The following KLF13 variants were observed in gnomAD, a reference collection of about 807,000 sequenced individuals.
The protein encoded by KLF13 is Krueppel-like factor 13.
KLF13 carries 8 observed loss-of-function variants against 16.7 expected under a neutral mutation model. The observed-to-expected ratio is 0.48, with a 90% CI of 0.28 to 0.87. KLF13 has a LOEUF of 0.87. Ranked by LOEUF, KLF13 falls within the 40% of genes least tolerant of loss-of-function variation. The pLI is 0.10. For missense variants in KLF13, 447 were observed against 452.2 expected (o/e 0.99, Z 0.10); for synonymous variants, 245 against 208.4 (o/e 1.18, Z -1.51).
chr15:31,430,594 C>T (rs1482667585), intron 1 of KLF13, among the ~76,000 whole-genome samples: 2 of 152,160 alleles, frequency 1.3e-5, no homozygotes, highest in East Asian at 3.8e-4. Context: ...TCACTCTGCC[C>T]TCGTGGCCTA....
intron 1 of KLF13, among the ~76,000 whole-genome samples, chr15:31,432,128 G>A (rs1231593483): frequency 3.6e-5 from 5 of 138,438 alleles, no homozygotes. Flanking sequence ...GAGAAAGGAG[G>A]AGAGAAATCA....
chr15:31,355,814 GTTGTCCCCACACCCCCAGCCCCCCAT>G (rs1291771190), intron 1 of KLF13, among the ~76,000 whole-genome samples: 1 of 151,776 alleles, frequency 6.6e-6, no homozygotes, highest in Non-Finnish European at 1.5e-5. Context: ...TCCCAGTGCT[GTTGTCCCCACACCCCCAGCCCCCCAT>G]TTGTCCCCAC....
chr15:31,366,598 G>C (rs572747176), intron 1 of KLF13: 1 of 152,402 alleles, frequency 6.6e-6, no homozygotes, highest in African/African-American at 2.4e-5. Context: ...CCCCATGCCC[G>C]GGTGGAGGCA....
intron 1 of KLF13, among the ~76,000 whole-genome samples, chr15:31,428,867 C>T (rs2040434420): frequency 7.0e-6 from 1 of 143,226 alleles, no homozygotes; most frequent in South Asian, 2.2e-4. Flanking sequence ...ATAACCAGGA[C>T]ATTCTTGAAG....
chr15:31,327,533 C>T lies in KLF13; in HGVS notation c.321C>T (p.Ser107=). Residue 107 remains serine, a synonymous_variant, in exon 1 of 2, where the codon TCC becomes TCT. Coordinates refer to ENST00000307145, the MANE Select transcript of KLF13 (RefSeq NM_015995.4). ...RLPPPAPEPT[S]PGAEGAAAAP... ...CGCCGCCCGCCCCCGAGCCCACCTCCCCCGGCGCCGAAGGCGCGGCGGCCG... is the reference window on the plus strand; with the variant it reads ...CGCCGCCCGCCCCCGAGCCCACCTCTCCCGGCGCCGAAGGCGCGGCGGCCG... The T allele has an allele frequency of 9.0e-7, 1 of 1,114,598 alleles. No individual in the cohort carries two copies. Among genetic ancestry groups the T allele is most frequent in the Non-Finnish European group, 1.1e-6 (1 of 913,564 alleles). The allele number at this position is 1,114,598 out of a possible 1,614,324, so 69.0% of individuals were successfully genotyped here.
At chr15:31,432,735 C>A (rs1595519749) in intron 1 of KLF13, among the ~76,000 whole-genome samples, 1 of 152,132 alleles carries the variant, frequency 6.6e-6, no homozygotes, top group East Asian at 1.9e-4. Flanking sequence ...CAGGCATGAG[C>A]CACTGCACCT....
intron 1 of KLF13, among the ~76,000 whole-genome samples, chr15:31,328,686 C>T (rs533144400): frequency 6.6e-6 from 1 of 152,336 alleles, no homozygotes; most frequent in African/African-American, 2.4e-5. Flanking sequence ...CCAGCGGCAA[C>T]AGTTCCCACG....
intron 1 of KLF13, among the ~76,000 whole-genome samples, chr15:31,356,422 G>A (rs1376322773): frequency 1.3e-5 from 2 of 152,200 alleles, no homozygotes; most frequent in African/African-American, 4.8e-5. Flanking sequence ...CGTGGTGGCG[G>A]GCGCCTGTAA....
intron 1 of KLF13, among the ~76,000 whole-genome samples, chr15:31,335,860 G>A (rs183115323): frequency 2.6e-5 from 4 of 152,180 alleles, no homozygotes; most frequent in South Asian, 2.1e-4. Context: ...TGGAGCCCAC[G>A]CTGCATCATG....
intron 1 of KLF13, among the ~76,000 whole-genome samples, chr15:31,338,622 C>T (rs915845391): frequency 6.6e-6 from 1 of 152,090 alleles, no homozygotes; most frequent in Non-Finnish European, 1.5e-5. Context: ...GAGGGTGGGA[C>T]CCTGGAGCCA....
rs143164841 is a variant in KLF13, at chr15:31,400,596, G to C, written n.530-2832G>C. Among the ~76,000 whole-genome samples the C allele has an allele frequency of 2.0e-3, 307 of 152,276 alleles. 1 individual carries two copies. The highest frequency in any genetic ancestry group is 7.1e-3 in the African/African-American group (296 of 41,554). The stretch of plus-strand genomic sequence containing the variant: ...AGCAGAACAGGGAGGTCAGAGCTGG[G>C]GGTGAGGTGCCCTGCAGGGAAATGG... On this transcript the variant is annotated intron_variant and non_coding_transcript_variant, in intron 2 of 2. Coordinates refer to the KLF13 transcript ENST00000500533.
chr15:31,420,446 A>G (rs900610563), intron 1 of KLF13: 1 of 888,416 alleles, frequency 1.1e-6, no homozygotes, highest in South Asian at 1.3e-5. Context: ...CCACCCCAAC[A>G]TAGACACCCA....
In KLF13 at chr15:31,327,395, C is replaced by T. The variant is rs1352385748; in HGVS notation, c.183C>T (p.Leu61=). 27 of 1,273,318 alleles carry T rather than the reference C, an allele frequency of 2.1e-5. No homozygotes were observed. Among genetic ancestry groups the T allele is most frequent in the Non-Finnish European group, 2.5e-5 (25 of 1,007,766 alleles). 78.9% of individuals were successfully genotyped at this position (1,273,318 alleles called of 1,614,324 possible). A position where few individuals can be genotyped will look rare whatever the true frequency, so the allele number is the denominator to read the frequency against. Residue 61 remains leucine, a synonymous_variant, in exon 1 of 2, where the codon CTC becomes CTT. Coordinates refer to ENST00000307145, the MANE Select transcript of KLF13 (RefSeq NM_015995.4). ...GCGACGGTAAGGACAGCGCCTCGCT[C>T]TTCGTGGTGGCGCGGATCCTAGCGG... ...ERRDGKDSAS[L]FVVARILADL...
chr15:31,346,412 A>AC (rs981193764), intron 1 of KLF13, among the ~76,000 whole-genome samples: 4 of 149,746 alleles, frequency 2.7e-5, no homozygotes, highest in East Asian at 2.0e-4. Flanking sequence ...AGTATGATGG[A>AC]CCCCCCACCG....
intron 1 of KLF13, among the ~76,000 whole-genome samples, chr15:31,347,070 C>G (rs1421620824): frequency 1.3e-5 from 2 of 152,180 alleles, no homozygotes; most frequent in Non-Finnish European, 2.9e-5. Context: ...GACACCGAGC[C>G]CAGCAGGTAG....
intron 1 of KLF13, among the ~76,000 whole-genome samples, chr15:31,386,044 T>A (rs1265541773): frequency 6.6e-6 from 1 of 152,350 alleles, no homozygotes; most frequent in East Asian, 1.9e-4. Flanking sequence ...TTCAGTGGCT[T>A]GGATAGAAGA....
chr15:31,328,423 G>A lies in KLF13; in HGVS notation c.577+634G>A, dbSNP rs555251326. Among the ~76,000 whole-genome samples the A allele has an allele frequency of 2.6e-3, 400 of 152,050 alleles. 3 individuals are homozygous for A. The highest frequency in any genetic ancestry group is 8.8e-3 in the African/African-American group (367 of 41,512). ...GCTTGGCGATGCGGGGGGCGGTCCC[G>A]GGTCCCGCTCCCCGCCTGCGGCTCT... On this transcript the variant is annotated intron_variant, in intron 1 of 1. Transcript: ENST00000307145.
At chr15:31,361,951 GA>G (rs1323395272) in intron 1 of KLF13, among the ~76,000 whole-genome samples, 2 of 151,916 alleles carry the variant, frequency 1.3e-5, no homozygotes, top group African/African-American at 4.8e-5. Context: ...TGGTGCAAGA[GA>G]AAACCCTTTC....
chr15:31,384,189 A>C (rs1025101374), intron 1 of KLF13, among the ~76,000 whole-genome samples: 1 of 152,256 alleles, frequency 6.6e-6, no homozygotes, highest in Non-Finnish European at 1.5e-5. Flanking sequence ...CTGTAATCCC[A>C]GCACTTTGGA....
Sources: allele counts gnomAD v4.1 joint callset (sites outside exome capture counted in the v4.1 genomes callset), GRCh38; gene constraint gnomAD v4.1.1; transcripts MANE v1.5; gene names NCBI Gene and HGNC (gene_info 2026-07-23, HGNC 2026-07-21).